The following BICD1 variants were observed in gnomAD, a reference collection of about 807,000 sequenced individuals.
The protein encoded by BICD1 is BICD cargo adaptor 1, also known as protein bicaudal D homolog 1.
Under a neutral mutation model 92.5 loss-of-function variants are expected in BICD1, and 35 were observed. The observed-to-expected ratio is 0.38, with a 90% CI of 0.29 to 0.50. BICD1 has a LOEUF of 0.50. Ranked by LOEUF, BICD1 falls within the 20% of genes least tolerant of loss-of-function variation. BICD1 has a pLI of 0.93. For synonymous variants in BICD1, 429 were observed against 465.1 expected (o/e 0.92, Z 1.00); for missense variants, 950 against 1,189.8 (o/e 0.80, Z 2.97).
chr12:32,368,920 A>G (rs1252343715), intron 9 of BICD1, among the ~76,000 whole-genome samples: 1 of 152,028 alleles, frequency 6.6e-6, no homozygotes, highest in Non-Finnish European at 1.5e-5. Context: ...TCTCTAGATA[A>G]ATAGATAGAT....
chr12:32,112,255 C>G (rs952490852), intron 1 of BICD1, among the ~76,000 whole-genome samples: 5 of 152,228 alleles, frequency 3.3e-5, no homozygotes, highest in Non-Finnish European at 7.3e-5. Context: ...ATCCGCCTGC[C>G]TCAGCCTCCC....
chr12:32,225,874 G>A (rs771808265), intron 2 of BICD1, among the ~76,000 whole-genome samples: 3 of 151,784 alleles, frequency 2.0e-5, no homozygotes, highest in Non-Finnish European at 4.4e-5. Context: ...CACCCACCTC[G>A]GCCTCCCAAA....
rs1940036234 is a variant in BICD1, at chr12:32,377,808, A to G, written c.*181A>G. The G allele has an allele frequency of 2.0e-6, 1 of 510,460 alleles. No homozygotes were observed. The highest frequency in any genetic ancestry group is 1.9e-5 in the African/African-American group (1 of 52,142). 31.6% of individuals were successfully genotyped at this position (510,460 alleles called of 1,614,324 possible). A position where few individuals can be genotyped will look rare whatever the true frequency, so the allele number is the denominator to read the frequency against. ...ACGAAGCACAGACCCTGATGTGATA[A>G]AACATTTTGTGGTTTCTCTGAGTCA... is the stretch of plus-strand genomic sequence containing the variant. On this transcript the variant is annotated 3_prime_UTR_variant, in exon 10 of 10. Coordinates refer to ENST00000652176, the MANE Select transcript of BICD1 (RefSeq NM_001714.4).
chr12:32,362,286 C>T (rs948604059), intron 8 of BICD1, among the ~76,000 whole-genome samples: 111 of 152,092 alleles, frequency 7.3e-4, no homozygotes, highest in African/African-American at 2.6e-3. Flanking sequence ...CTTGAACCCG[C>T]GAGGCGGAGG....
intron 2 of BICD1, among the ~76,000 whole-genome samples, chr12:32,258,372 T>C (rs2136121218): frequency 6.6e-6 from 1 of 152,308 alleles, no homozygotes; most frequent in East Asian, 1.9e-4. Context: ...CCTTTTAATA[T>C]GTGTGTTGGT....
chr12:32,114,602 A>G (rs563005645), intron 1 of BICD1, among the ~76,000 whole-genome samples: 12 of 152,248 alleles, frequency 7.9e-5, no homozygotes, highest in Admixed American at 6.5e-4. Flanking sequence ...AGGTTGGTCT[A>G]GAACTCTTGA....
At chr12:32,110,946 T>C (rs951020447) in intron 1 of BICD1, among the ~76,000 whole-genome samples, 1 of 151,668 alleles carries the variant, frequency 6.6e-6, no homozygotes, top group African/African-American at 2.4e-5. Flanking sequence ...ATGTAACTAA[T>C]CTGCACGTTG....
chr12:32,193,112 C>T (rs1367397501), intron 1 of BICD1, among the ~76,000 whole-genome samples: 2 of 152,156 alleles, frequency 1.3e-5, no homozygotes. Context: ...TAAAATGCTG[C>T]CAGACAGTAT....
chr12:32,280,662 T>C (rs1947388234), intron 2 of BICD1, among the ~76,000 whole-genome samples: 1 of 152,234 alleles, frequency 6.6e-6, no homozygotes. Context: ...TCCATTGCTT[T>C]CAGCTCTAAA....
chr12:32,316,353 T>C (rs2728698), intron 4 of BICD1, among the ~76,000 whole-genome samples: 112,388 of 151,198 alleles, frequency 0.74, 42,213 homozygotes, highest in Middle Eastern at 0.91. Flanking sequence ...TACAGTGGCA[T>C]GATCTTGGCT....
At position 32,232,519 on chromosome 12, in the gene BICD1, T is replaced by G. The variant is rs1044838936; in HGVS notation, c.426+16060T>G. Among the ~76,000 whole-genome samples the G allele has an allele frequency of 8.6e-4, 128 of 148,524 alleles. 1 individual carries two copies. The Middle Eastern group carries it at 0.014, about 16-fold the overall frequency. On this transcript the variant is annotated intron_variant, in intron 2 of 9. Coordinates refer to ENST00000652176, the MANE Select transcript of BICD1 (RefSeq NM_001714.4). The stretch of plus-strand genomic sequence containing the variant: ...TGTCAGATGAGTAGGTTGCGAAAAT[T>G]TTCTCCCATTTTGTAGGTTGCCTGT...
chr12:32,381,223 A>G lies in BICD1; in HGVS notation c.*3596A>G, dbSNP rs1340505254. ...GTTGGTATTATTTTTTCTTTCAGCTATATTCCATGGTATCTTTAAAATTGT... is the reference window on the plus strand; with the variant it reads ...GTTGGTATTATTTTTTCTTTCAGCTGTATTCCATGGTATCTTTAAAATTGT... On this transcript the variant is annotated 3_prime_UTR_variant, in exon 10 of 10. Coordinates refer to ENST00000652176, the MANE Select transcript of BICD1 (RefSeq NM_001714.4). The G allele has an allele frequency of 1.3e-5, 2 of 152,038 alleles. No homozygotes were observed. The highest frequency in any genetic ancestry group is 4.8e-5 in the African/African-American group (2 of 41,432). 9.4% of individuals were successfully genotyped at this position (152,038 alleles called of 1,614,324 possible). A position where few individuals can be genotyped will look rare whatever the true frequency, so the allele number is the denominator to read the frequency against.
chr12:32,221,675 G>A lies in BICD1; in HGVS notation c.426+5216G>A, dbSNP rs1418585627. ...CAGCCTGGCGACAGAGCGAGACTCT[G>A]TCTCAAAAAATAATAATGATAATAA... On this transcript the variant is annotated intron_variant, in intron 2 of 9. Transcript: ENST00000652176. Among the ~76,000 whole-genome samples, 3 of 151,668 alleles carry A rather than the reference G, an allele frequency of 2.0e-5. No homozygotes were observed. The East Asian group carries it at 5.8e-4, about 29-fold the overall frequency.
intron 1 of BICD1, among the ~76,000 whole-genome samples, chr12:32,185,852 T>C (rs1019283311): frequency 3.9e-5 from 6 of 152,240 alleles, no homozygotes; most frequent in African/African-American, 1.4e-4. Flanking sequence ...CAGTGCACTG[T>C]GCTCACCACG....
chr12:32,214,480 C>T (rs1461057944), intron 1 of BICD1, among the ~76,000 whole-genome samples: 1 of 152,206 alleles, frequency 6.6e-6, no homozygotes, highest in Non-Finnish European at 1.5e-5. Context: ...CTTATTAATA[C>T]TTCCACTTAC....
chr12:32,115,386 G>GTTTTTTTTTT lies in BICD1; in HGVS notation c.213+7842_213+7843insTTTTTTTTTT, dbSNP rs149711623. On this transcript the variant is annotated intron_variant, in intron 1 of 9. Coordinates refer to ENST00000652176, the MANE Select transcript of BICD1 (RefSeq NM_001714.4). ...GGGTTTTTGTGTGTGTGGTGTTTTT[G>GTTTTTTTTTT]GTTTTTTTTTTTTTGCTGTTTTTCT... Among the ~76,000 whole-genome samples the GTTTTTTTTTT allele has an allele frequency of 2.1e-4, 21 of 97,680 alleles. 1 individual carries two copies. The highest frequency in any genetic ancestry group is 5.7e-4 in the East Asian group (2 of 3,492). The allele number at this position is 97,680 out of a possible 152,430, so 64.1% of individuals were successfully genotyped here.
At chr12:32,209,904 A>C (rs999486742) in intron 1 of BICD1, among the ~76,000 whole-genome samples, 3 of 152,212 alleles carry the variant, frequency 2.0e-5, no homozygotes, top group African/African-American at 7.2e-5. Context: ...AAATGACAAA[A>C]TAAAAAATTC....
chr12:32,226,206 C>A (rs1945685501), intron 2 of BICD1, among the ~76,000 whole-genome samples: 1 of 152,188 alleles, frequency 6.6e-6, no homozygotes, highest in African/African-American at 2.4e-5. Flanking sequence ...ATGATCTCGG[C>A]TCACTGCAGC....
At chr12:32,306,805 A>C (rs1194096840) in intron 4 of BICD1, among the ~76,000 whole-genome samples, 1 of 151,806 alleles carries the variant, frequency 6.6e-6, no homozygotes, top group Non-Finnish European at 1.5e-5. Flanking sequence ...ACCTGAAGTC[A>C]GGAGTTCAAG....
Sources: allele counts gnomAD v4.1 joint callset (sites outside exome capture counted in the v4.1 genomes callset), GRCh38; gene constraint gnomAD v4.1.1; transcripts MANE v1.5; gene names NCBI Gene and HGNC (gene_info 2026-07-23, HGNC 2026-07-21).